THEMIS: variants seen among roughly 807,000 people sequenced by gnomAD.
The protein encoded by THEMIS is thymocyte selection associated, also known as protein THEMIS.
A neutral mutation model predicts 52.6 loss-of-function variants in THEMIS; 37 were observed. The ratio of observed to expected loss-of-function variants is 0.70; its 90% confidence interval spans 0.54 to 0.93. The LOEUF (loss-of-function observed/expected upper bound fraction) is 0.93, where lower values mean the gene tolerates loss of function less well. THEMIS is among the 40% of genes least tolerant of loss of function. The pLI, the probability that THEMIS is intolerant of heterozygous loss-of-function variation, is 0.00. For synonymous variants in THEMIS, 292 were observed against 272.7 expected (o/e 1.07, Z -0.70); for missense variants, 808 against 763.1 (o/e 1.06, Z -0.69).
chr6:127,901,106 G>A, upstream of THEMIS: 1 of 596,592 alleles, frequency 1.7e-6, no homozygotes, highest in East Asian at 2.8e-5. Flanking sequence ...CAATGAAGAG[G>A]GAGGGGGGAA....
At chr6:127,915,538 C>T (rs369878985) in intron 1 of THEMIS, among the ~76,000 whole-genome samples, 1 of 142,626 alleles carries the variant, frequency 7.0e-6, no homozygotes, top group Non-Finnish European at 1.5e-5. Flanking sequence ...CTGTACTCTG[C>T]TTGGGGCAGG....
At chr6:127,861,042 A>C (rs2114331521) in intron 1 of THEMIS, among the ~76,000 whole-genome samples, 1 of 152,270 alleles carries the variant, frequency 6.6e-6, no homozygotes, top group Admixed American at 6.5e-5. Context: ...TGTGGAACAA[A>C]TCAGTGACTG....
intron 5 of THEMIS, among the ~76,000 whole-genome samples, chr6:127,716,541 C>T (rs1320902602): frequency 6.6e-6 from 1 of 151,838 alleles, no homozygotes; most frequent in Non-Finnish European, 1.5e-5. Flanking sequence ...CATGCCAGCT[C>T]CAGATCTCCC....
intron 4 of THEMIS, among the ~76,000 whole-genome samples, chr6:127,791,703 G>A (rs1000631129): frequency 3.9e-5 from 6 of 152,134 alleles, no homozygotes; most frequent in Non-Finnish European, 8.8e-5. Context: ...GTGCCAAGTG[G>A]TGCCTGCAAG....
At chr6:127,761,784 C>T (rs1776029894) in intron 4 of THEMIS, among the ~76,000 whole-genome samples, 1 of 152,058 alleles carries the variant, frequency 6.6e-6, no homozygotes, top group African/African-American at 2.4e-5. Flanking sequence ...TTATTTCTAT[C>T]CTGGGAGATT....
At chr6:127,802,624 G>A (rs980622180) in intron 4 of THEMIS, among the ~76,000 whole-genome samples, 1 of 152,098 alleles carries the variant, frequency 6.6e-6, no homozygotes, top group Non-Finnish European at 1.5e-5. Context: ...AGGTCGAATG[G>A]GCAAAAGACT....
chr6:127,872,574 C>G (rs535046800), intron 1 of THEMIS, among the ~76,000 whole-genome samples: 1 of 151,820 alleles, frequency 6.6e-6, no homozygotes, highest in Non-Finnish European at 1.5e-5. Flanking sequence ...AAGAAAAAAA[C>G]AAAAAACTCT....
intron 4 of THEMIS, among the ~76,000 whole-genome samples, chr6:127,723,362 C>T (rs751196334): frequency 6.6e-6 from 1 of 152,052 alleles, no homozygotes; most frequent in Non-Finnish European, 1.5e-5. Flanking sequence ...TGATGTTCCT[C>T]CTTCCACTCT....
intron 1 of THEMIS, among the ~76,000 whole-genome samples, chr6:127,887,965 G>A (rs1045717074): frequency 2.6e-5 from 4 of 152,066 alleles, no homozygotes; most frequent in Non-Finnish European, 5.9e-5. Context: ...ATGAAGACCG[G>A]AATATGGAAG....
chr6:127,804,674 G>A (rs959085383), intron 4 of THEMIS, among the ~76,000 whole-genome samples: 2 of 152,120 alleles, frequency 1.3e-5, no homozygotes, highest in Non-Finnish European at 2.9e-5. Context: ...TTTACCTCAG[G>A]AGAAAAGCTG....
chr6:127,880,284 C>T (rs923517075), intron 1 of THEMIS, among the ~76,000 whole-genome samples: 1 of 151,970 alleles, frequency 6.6e-6, no homozygotes, highest in Admixed American at 6.6e-5. Flanking sequence ...GGAGGGCAAG[C>T]CTGTATCTCA....
chr6:127,796,305 T>A (rs1160005271), intron 4 of THEMIS, among the ~76,000 whole-genome samples: 1 of 152,132 alleles, frequency 6.6e-6, no homozygotes, highest in Non-Finnish European at 1.5e-5. Context: ...AAATTAGGGA[T>A]TAGAACTTTT....
intron 4 of THEMIS, among the ~76,000 whole-genome samples, chr6:127,766,660 A>G (rs532867384): frequency 1.1e-4 from 17 of 152,340 alleles, no homozygotes; most frequent in African/African-American, 3.6e-4. Context: ...ACCTGTATGT[A>G]TATTATGTTC....
chr6:127,834,007 A>G (rs991360156), intron 2 of THEMIS, among the ~76,000 whole-genome samples: 1 of 152,180 alleles, frequency 6.6e-6, no homozygotes, highest in Non-Finnish European at 1.5e-5. Context: ...CTGAACTGAG[A>G]AGAGTCTCCA....
chr6:127,903,849 G>A (rs1198457205), upstream of THEMIS, among the ~76,000 whole-genome samples: 3 of 151,978 alleles, frequency 2.0e-5, no homozygotes, highest in African/African-American at 2.4e-5. Context: ...CTGGCTATGA[G>A]CTTGTATCTG....
intron 1 of THEMIS, among the ~76,000 whole-genome samples, chr6:127,865,507 C>T (rs1342040704): frequency 6.6e-6 from 1 of 152,144 alleles, no homozygotes; most frequent in Non-Finnish European, 1.5e-5. Flanking sequence ...AAAAAGATTA[C>T]TACATATCCT....
At chr6:127,783,463 T>C (rs1313854034) in intron 4 of THEMIS, among the ~76,000 whole-genome samples, 1 of 152,112 alleles carries the variant, frequency 6.6e-6, no homozygotes, top group Non-Finnish European at 1.5e-5. Context: ...ACTTACAGAA[T>C]GGGAGAAAAT....
chr6:127,737,339 T>A (rs747663888), intron 4 of THEMIS, among the ~76,000 whole-genome samples: 5 of 152,212 alleles, frequency 3.3e-5, no homozygotes, highest in Non-Finnish European at 5.9e-5. Context: ...AAAGGCTATT[T>A]ACATAAACTC....
chr6:127,730,003 C>T (rs1267707583), intron 4 of THEMIS, among the ~76,000 whole-genome samples: 1 of 152,120 alleles, frequency 6.6e-6, no homozygotes, highest in African/African-American at 2.4e-5. Context: ...AGCATGGTGG[C>T]TCATGTCTGT....
Sources: gnomAD v4.1 joint callset for allele counts (sites outside exome capture counted in the v4.1 genomes callset) on GRCh38, gnomAD v4.1.1 for gene constraint, MANE v1.5 for transcripts, NCBI Gene and HGNC (gene_info 2026-07-23, HGNC 2026-07-21) for gene names.